Variants in ATP9A observed in about 807,000 individuals in gnomAD.
The protein encoded by ATP9A is probable phospholipid-transporting ATPase IIA.
Under a neutral mutation model 144.1 loss-of-function variants are expected in ATP9A, and 52 were observed. The ratio of observed to expected loss-of-function variants is 0.36; its 90% CI spans 0.29 to 0.45. The LOEUF is 0.45. Among genes scored for constraint, ATP9A ranks in the 20% least tolerant of loss-of-function variants. The probability of loss-of-function intolerance (pLI) is 1.00; values close to 1 mark genes in which losing one functional copy is unlikely to be tolerated. For missense variants in ATP9A, 947 were observed against 1,392.7 expected (o/e 0.68, Z 5.09); for synonymous variants, 582 against 557.4 (o/e 1.04, Z -0.62).
intron 9 of ATP9A, among the ~76,000 whole-genome samples, chr20:51,680,225 TAAAAAAA>T (rs11478096): frequency 1.5e-4 from 19 of 123,402 alleles, no homozygotes; most frequent in African/African-American, 5.8e-4. Context: ...GAGACTGTCT[TAAAAAAA>T]AAAAAAAAAA....
At chr20:51,717,630 G>A (rs1279427392) in intron 3 of ATP9A, among the ~76,000 whole-genome samples, 1 of 151,284 alleles carries the variant, frequency 6.6e-6, no homozygotes, top group African/African-American at 2.4e-5. Context: ...GGGAGTAGGG[G>A]CAGAGAAGGC....
At chr20:51,615,471 T>C (rs562209382) in intron 22 of ATP9A, among the ~76,000 whole-genome samples, 1 of 152,094 alleles carries the variant, frequency 6.6e-6, no homozygotes, top group Non-Finnish European at 1.5e-5. Context: ...AAAAAATACA[T>C]GAAAATTACA....
intron 9 of ATP9A, among the ~76,000 whole-genome samples, chr20:51,684,462 TG>T (rs2077513417): frequency 6.6e-6 from 1 of 151,610 alleles, no homozygotes; most frequent in African/African-American, 2.4e-5. Flanking sequence ...TTTGGGAGGC[TG>T]AGGCGGGTGG....
intron 1 of ATP9A, among the ~76,000 whole-genome samples, chr20:51,737,882 C>T (rs947493105): frequency 2.0e-5 from 3 of 151,964 alleles, no homozygotes; most frequent in Non-Finnish European, 4.4e-5. Context: ...GGTGTGGTGG[C>T]GCAGATCTAT....
intron 14 of ATP9A, among the ~76,000 whole-genome samples, chr20:51,655,100 T>G (rs1357792579): frequency 6.6e-6 from 1 of 152,198 alleles, no homozygotes; most frequent in Non-Finnish European, 1.5e-5. Context: ...ATAACCTAAG[T>G]TCCTACAGTA....
chr20:51,663,532 C>T (rs1016885397), intron 13 of ATP9A, among the ~76,000 whole-genome samples: 27 of 152,156 alleles, frequency 1.8e-4, no homozygotes, highest in Non-Finnish European at 2.8e-4. Flanking sequence ...CGGTGGCTCA[C>T]ACCTGTAATC....
At chr20:51,625,088 C>T in intron 18 of ATP9A, 104 bp downstream of exon 18, 1 of 1,117,242 alleles carries the variant, frequency 9.0e-7, no homozygotes, top group Non-Finnish European at 1.3e-6. Flanking sequence ...CTCCTGGTGT[C>T]CTCTGCTGCT....
intron 13 of ATP9A, among the ~76,000 whole-genome samples, chr20:51,668,712 C>A (rs920147290): frequency 3.9e-5 from 6 of 152,212 alleles, no homozygotes; most frequent in African/African-American, 1.4e-4. Flanking sequence ...GGAGACCAGC[C>A]ATGACGCCTC....
At chr20:51,602,080 A>G (rs1325284985) in intron 27 of ATP9A, among the ~76,000 whole-genome samples, 2 of 152,124 alleles carry the variant, frequency 1.3e-5, no homozygotes, top group Non-Finnish European at 2.9e-5. Context: ...AGAAAGCCAC[A>G]GGATGAGTCT....
intron 1 of ATP9A, among the ~76,000 whole-genome samples, chr20:51,744,269 GATCCTCCCATGTCA>G (rs2077798078): frequency 6.6e-6 from 1 of 152,012 alleles, no homozygotes; most frequent in Admixed American, 6.6e-5. Context: ...AGGCTCAAGT[GATCCTCCCATGTCA>G]GCCTCCTGAG....
At chr20:51,707,598 T>A (rs985717775) in intron 4 of ATP9A, among the ~76,000 whole-genome samples, 2 of 152,212 alleles carry the variant, frequency 1.3e-5, no homozygotes, top group African/African-American at 4.8e-5. Context: ...GCAGGACTCC[T>A]GAACCCTGGC....
intron 17 of ATP9A, among the ~76,000 whole-genome samples, 198 bp from the exon 18 acceptor site, chr20:51,625,560 T>C (rs1053782776): frequency 6.6e-6 from 1 of 152,076 alleles, no homozygotes; most frequent in Non-Finnish European, 1.5e-5. Flanking sequence ...TGCACAGACC[T>C]GAGTCCCACC....
intron 14 of ATP9A, among the ~76,000 whole-genome samples, chr20:51,652,557 C>A (rs921907789): frequency 6.6e-6 from 1 of 152,166 alleles, no homozygotes; most frequent in Non-Finnish European, 1.5e-5. Context: ...GGAAACAGTA[C>A]GGCTTTCTGA....
intron 14 of ATP9A, among the ~76,000 whole-genome samples, chr20:51,648,404 G>A (rs1377360715): frequency 6.6e-6 from 1 of 152,206 alleles, no homozygotes; most frequent in Non-Finnish European, 1.5e-5. Context: ...TGTGCAGAGA[G>A]AAGGTGGAAG....
intron 1 of ATP9A, among the ~76,000 whole-genome samples, chr20:51,741,466 A>T (rs1012729221): frequency 1.3e-5 from 2 of 152,084 alleles, no homozygotes; most frequent in African/African-American, 4.8e-5. Flanking sequence ...AATCTCAGCT[A>T]CTCAGGGGGC....
At chr20:51,678,444 G>A (rs1041332227) in intron 9 of ATP9A, among the ~76,000 whole-genome samples, 1 of 152,166 alleles carries the variant, frequency 6.6e-6, no homozygotes, top group African/African-American at 2.4e-5. Context: ...AGGAGGAGGC[G>A]CTGAAGTCCT....
intron 19 of ATP9A, among the ~76,000 whole-genome samples, chr20:51,619,759 T>C (rs1480201190): frequency 6.8e-6 from 1 of 147,830 alleles, no homozygotes; most frequent in East Asian, 2.0e-4. Flanking sequence ...TCCCAGCTAC[T>C]TGGGAAGGCT....
intron 19 of ATP9A, among the ~76,000 whole-genome samples, chr20:51,621,377 G>A (rs891512018): frequency 7.9e-5 from 12 of 152,030 alleles, no homozygotes; most frequent in African/African-American, 2.2e-4. Flanking sequence ...GGGTGAGGGC[G>A]AGACCCCCAA....
intron 8 of ATP9A, 116 bp downstream of exon 8, chr20:51,690,623 G>T: frequency 1.2e-6 from 1 of 859,382 alleles, no homozygotes; most frequent in Non-Finnish European, 1.9e-6. Context: ...CCTTCTTTAT[G>T]TCCCCACCTG....
Sources: allele counts gnomAD v4.1 joint callset (sites outside exome capture counted in the v4.1 genomes callset), GRCh38; gene constraint gnomAD v4.1.1; transcripts MANE v1.5; gene names NCBI Gene and HGNC (gene_info 2026-07-23, HGNC 2026-07-21).